The following ZNF883 variants were observed in gnomAD, a reference collection of about 807,000 sequenced individuals.
ZNF883 encodes zinc finger protein 883.
chr9:113,000,816 G>A (rs1428879404), upstream of ZNF883, among the ~76,000 whole-genome samples: 2 of 151,960 alleles, frequency 1.3e-5, no homozygotes, highest in African/African-American at 4.8e-5. Flanking sequence ...GGGGATAATA[G>A]AATATAAGTG....
chr9:112,992,240 T>C (rs981983776), downstream of ZNF883, among the ~76,000 whole-genome samples: 4 of 152,230 alleles, frequency 2.6e-5, no homozygotes, highest in Admixed American at 2.6e-4. Flanking sequence ...TTTCCATATT[T>C]AGTGCTTCCT....
At chr9:112,990,756 T>G (rs1246332049) in intron 1 of ZNF883, among the ~76,000 whole-genome samples, 1 of 151,946 alleles carries the variant, frequency 6.6e-6, no homozygotes, top group Non-Finnish European at 1.5e-5. Context: ...GCTTTTTTTT[T>G]GTTGTTGTTG....
chr9:113,003,111 CCAAATCTCACCTGGAATTGTCCCCACA>C (rs1286524334), upstream of ZNF883, among the ~76,000 whole-genome samples: 3 of 152,146 alleles, frequency 2.0e-5, no homozygotes, highest in Non-Finnish European at 4.4e-5. Flanking sequence ...GTGTCCCCAC[CCAAATCTCACCTGGAATTGTCCCCACA>C]CGTCAAGGAT....
chr9:113,009,514 C>T (rs1403186883), intron 2 of ZNF883, among the ~76,000 whole-genome samples: 1 of 145,112 alleles, frequency 6.9e-6, no homozygotes, highest in East Asian at 2.0e-4. Context: ...GCTCATATTC[C>T]TTTTTTTTTT....
exon 1 of ZNF883, chr9:112,997,268 C>G (rs760969093): frequency 6.2e-7 from 1 of 1,614,164 alleles, no homozygotes; most frequent in South Asian, 1.1e-5. Flanking sequence ...TGAGCTTAAG[C>G]TGAAGGATTT....
downstream of ZNF883, among the ~76,000 whole-genome samples, chr9:112,993,879 C>A (rs531828227): frequency 2.0e-5 from 3 of 152,326 alleles, no homozygotes; most frequent in East Asian, 5.8e-4. Flanking sequence ...CTCCTGGGTC[C>A]AAACTACCCA....
exon 1 of ZNF883, chr9:112,997,998 G>A (rs1828382072): frequency 6.2e-7 from 1 of 1,613,558 alleles, no homozygotes. Flanking sequence ...TGGACTCTTT[G>A]ATGCTGAATA....
intron 2 of ZNF883, among the ~76,000 whole-genome samples, chr9:113,010,254 G>A (rs938481820): frequency 3.9e-5 from 6 of 152,156 alleles, no homozygotes; most frequent in Non-Finnish European, 7.4e-5. Context: ...GCAGAGCTGC[G>A]TTACAGACAC....
upstream of ZNF883, among the ~76,000 whole-genome samples, chr9:113,001,823 C>T (rs908632188): frequency 4.9e-4 from 75 of 152,270 alleles, no homozygotes; most frequent in African/African-American, 1.8e-3. Context: ...AATGTTGATA[C>T]TTCTAAGGTA....
At chr9:112,991,341 A>C (rs1267147896) in intron 1 of ZNF883, among the ~76,000 whole-genome samples, 1 of 151,950 alleles carries the variant, frequency 6.6e-6, no homozygotes, top group African/African-American at 2.4e-5. Flanking sequence ...TTAATTGTTT[A>C]CTCAGGAGTC....
chr9:112,997,393 A>C (rs1323295203), exon 1 of ZNF883: 2 of 1,613,900 alleles, frequency 1.2e-6, no homozygotes, highest in Admixed American at 1.7e-5. Flanking sequence ...AGGGTTTCAC[A>C]CAAGAATGAA....
rs1402779284 is a variant in ZNF883 at position 113,006,548 on chromosome 9, G to C, written n.166-4475C>G. ...GCCAAGACCCCACTTGGCCTCCCGG[G>C]CTAAGCCTCAGTTTTGGAGTTCACC... On this transcript the variant is annotated intron_variant and non_coding_transcript_variant, in intron 2 of 4. Coordinates refer to the ZNF883 transcript ENST00000638622. Among the ~76,000 whole-genome samples the C allele has an allele frequency of 2.0e-5, 3 of 152,096 alleles. No individual in the cohort carries two copies. In the East Asian group the frequency reaches 5.8e-4, roughly 29 times the overall value.
upstream of ZNF883, among the ~76,000 whole-genome samples, chr9:113,002,741 A>T (rs570326667): frequency 6.6e-6 from 1 of 152,340 alleles, no homozygotes; most frequent in Admixed American, 6.5e-5. Flanking sequence ...CCAAAGGCAC[A>T]TGTTGAAACT....
intron 2 of ZNF883, among the ~76,000 whole-genome samples, chr9:113,010,842 C>G (rs1197523079): frequency 6.6e-6 from 1 of 151,712 alleles, no homozygotes; most frequent in Non-Finnish European, 1.5e-5. Flanking sequence ...AAAAATTAGC[C>G]GGGCGTGGTG....
upstream of ZNF883, chr9:113,001,853 A>C (rs895692380): frequency 6.6e-6 from 1 of 152,230 alleles, no homozygotes; most frequent in Admixed American, 6.5e-5. Flanking sequence ...GACTATTTAC[A>C]AAGTTTTAAA....
intron 1 of ZNF883, among the ~76,000 whole-genome samples, chr9:112,988,154 AATTTT>A (rs1828270908): frequency 6.6e-6 from 1 of 151,668 alleles, no homozygotes; most frequent in Non-Finnish European, 1.5e-5. Context: ...AAAAAAATTT[AATTTT>A]AAGTTCTAGG....
chr9:113,009,028 C>T (rs190009088), intron 2 of ZNF883, among the ~76,000 whole-genome samples: 2 of 152,112 alleles, frequency 1.3e-5, no homozygotes, highest in Non-Finnish European at 2.9e-5. Context: ...TAGAAAAATC[C>T]ATCTTTCACC....
chr9:112,996,346 T>TG (rs1254547813), downstream of ZNF883, among the ~76,000 whole-genome samples: 43 of 152,324 alleles, frequency 2.8e-4, 1 homozygote, highest in African/African-American at 9.9e-4. Flanking sequence ...TATTTGTCTA[T>TG]GGCTATTAAT....
At chr9:112,998,102 T>C in exon 1 of ZNF883, 6 of 1,613,962 alleles carry the variant, frequency 3.7e-6, no homozygotes, top group Non-Finnish European at 5.1e-6. Context: ...AAGATTACTG[T>C]TCCGGGTAAA....
Sources: allele counts gnomAD v4.1 joint callset (sites outside exome capture counted in the v4.1 genomes callset), GRCh38; gene constraint gnomAD v4.1.1; transcripts MANE v1.5; gene names NCBI Gene and HGNC (gene_info 2026-07-23, HGNC 2026-07-21).